Variants in ARHGAP29 observed in about 807,000 individuals in gnomAD.
ARHGAP29 encodes Rho GTPase activating protein 29.
A neutral mutation model predicts 122.6 loss-of-function variants in ARHGAP29; 43 were observed. That is an observed-to-expected ratio of 0.35 (90% CI 0.27 to 0.45). The LOEUF (loss-of-function observed/expected upper bound fraction) is 0.45, where lower values mean the gene tolerates loss of function less well. Ranked by LOEUF, ARHGAP29 falls within the 20% of genes least tolerant of loss-of-function variation. The pLI is 1.00. For synonymous variants in ARHGAP29, 506 were observed against 497.1 expected, an observed-to-expected ratio of 1.02 and a Z score of -0.24; for missense variants, 1,303 against 1,477.2, an observed-to-expected ratio of 0.88 and a Z score of 1.93.
intron 1 of ARHGAP29, among the ~76,000 whole-genome samples, chr1:94,233,067 C>T (rs1653021959): frequency 6.6e-6 from 1 of 151,544 alleles, no homozygotes; most frequent in Non-Finnish European, 1.5e-5. Flanking sequence ...GCCAAAGCCA[C>T]CCATGTAGCT....
At chr1:94,237,617 G>A (rs1570589811), upstream of ARHGAP29, 1 of 986,874 alleles carries the variant, frequency 1.0e-6, no homozygotes, top group African/African-American at 1.7e-5. Flanking sequence ...CTACCGCCAC[G>A]GCCGCACCGC....
intron 1 of ARHGAP29, among the ~76,000 whole-genome samples, chr1:94,255,146 A>C (rs929510306): frequency 1.3e-5 from 2 of 152,232 alleles, no homozygotes; most frequent in African/African-American, 4.8e-5. Context: ...AGGGGCTTCA[A>C]ATGGGGTACT....
At chr1:94,302,382 C>A in the ARHGAP29 span, 1 of 344,966 alleles carries the variant, frequency 2.9e-6, no homozygotes, top group Non-Finnish European at 5.6e-6. Context: ...GGGTCATTAC[C>A]TCTGCCCCCT....
chr1:94,232,167 C>T (rs1652956280), intron 1 of ARHGAP29, among the ~76,000 whole-genome samples: 1 of 152,196 alleles, frequency 6.6e-6, no homozygotes, highest in African/African-American at 2.4e-5. Flanking sequence ...TCTTAAAATC[C>T]TCCTCTGTCA....
At chr1:94,263,789 T>C (rs866891370) in intron 1 of ARHGAP29, among the ~76,000 whole-genome samples, 2 of 152,354 alleles carry the variant, frequency 1.3e-5, no homozygotes, top group South Asian at 4.1e-4. Flanking sequence ...CACTATGTAC[T>C]TTGGTTTGTT....
intron 1 of ARHGAP29, among the ~76,000 whole-genome samples, chr1:94,262,142 A>T (rs1383730554): frequency 6.6e-6 from 1 of 152,202 alleles, no homozygotes; most frequent in East Asian, 1.9e-4. Context: ...AGCTGACAAA[A>T]ACAAGCAATG....
At chr1:94,303,162 A>T in the ARHGAP29 span, 2 of 152,552 alleles carry the variant, frequency 1.3e-5, no homozygotes, top group South Asian at 2.1e-4. Flanking sequence ...AGACACCCTG[A>T]AAAGGGAAGG....
chr1:94,236,745 C>T (rs1653295241), intron 1 of ARHGAP29, among the ~76,000 whole-genome samples: 1 of 152,016 alleles, frequency 6.6e-6, no homozygotes, highest in Non-Finnish European at 1.5e-5. Context: ...CTGGGACAAA[C>T]CTCTGAGACT....
intron 1 of ARHGAP29, among the ~76,000 whole-genome samples, chr1:94,256,980 G>C (rs1218940290): frequency 6.6e-6 from 1 of 152,084 alleles, no homozygotes; most frequent in Non-Finnish European, 1.5e-5. Flanking sequence ...TTTTATGCTA[G>C]ACTTAGAAGC....
chr1:94,176,926 C>T (rs1649130033), intron 22 of ARHGAP29: 1 of 150,266 alleles, frequency 6.7e-6, no homozygotes, highest in Non-Finnish European at 1.5e-5. Context: ...TTTTTAGACC[C>T]TATGATCACT....
At position 94,201,506 on chromosome 1, in the gene ARHGAP29, TTCTCTCTC is replaced by T. The variant is rs111304569; in HGVS notation, c.1281+206_1281+213del. On this transcript the variant is annotated intron_variant, in intron 12 of 22. Transcript: ENST00000260526. ...CTCCCTCCCTTCTTTCCTTCCTTCC[TTCTCTCTC>T]TCTCTCTCTCTCTCTCTCTCTCTTT... is the stretch of plus-strand genomic sequence containing the variant. Among the ~76,000 whole-genome samples the T allele has an allele frequency of 2.1e-3, 291 of 141,404 alleles. 3 individuals carry two copies. Among genetic ancestry groups the T allele is most frequent in the African/African-American group, 7.0e-3 (258 of 37,088 alleles). The allele number at this position is 141,404 out of a possible 152,430, so 92.8% of individuals were successfully genotyped here. A position where few individuals can be genotyped will look rare whatever the true frequency, so the allele number is the denominator to read the frequency against.
chr1:94,259,459 G>T (rs1232693843), intron 1 of ARHGAP29, among the ~76,000 whole-genome samples: 1 of 152,192 alleles, frequency 6.6e-6, no homozygotes, highest in Non-Finnish European at 1.5e-5. Flanking sequence ...TTTGGAAATA[G>T]GGTCTTTGCA....
upstream of ARHGAP29, among the ~76,000 whole-genome samples, chr1:94,278,579 G>A (rs967670085): frequency 2.6e-5 from 4 of 152,182 alleles, no homozygotes; most frequent in Admixed American, 6.5e-5. Context: ...CACACCTGGT[G>A]CACGTGTATG....
intron 12 of ARHGAP29, chr1:94,194,428 T>C (rs534746722): frequency 1.3e-5 from 2 of 152,328 alleles, no homozygotes; most frequent in Admixed American, 6.5e-5. Context: ...TGTATGTTCT[T>C]AGTCACATCA....
At chr1:94,210,538 T>C (rs1053902580) in intron 3 of ARHGAP29, among the ~76,000 whole-genome samples, 2 of 152,226 alleles carry the variant, frequency 1.3e-5, no homozygotes, top group Admixed American at 6.5e-5. Flanking sequence ...TAAGCCTCTG[T>C]AGATTGGCAG....
intron 2 of ARHGAP29, among the ~76,000 whole-genome samples, chr1:94,228,570 T>A (rs556366353): frequency 1.5e-4 from 23 of 151,938 alleles, no homozygotes; most frequent in African/African-American, 5.5e-4. Context: ...GGCCATTATT[T>A]ATCAGCAATA....
chr1:94,203,094 C>T lies in ARHGAP29; in HGVS notation c.873+6G>A, dbSNP rs1367244875. On this transcript the variant is annotated splice_donor_region_variant and intron_variant, in intron 9 of 22. Transcript: ENST00000260526. Reference sequence around the variant, plus strand: ...AAGTGCATTATACATATAAATTAATCTTTACCTGCACAAATTTGTTAGCCT... The same window carrying T: ...AAGTGCATTATACATATAAATTAATTTTTACCTGCACAAATTTGTTAGCCT... 1 of 1,606,992 alleles carries T rather than the reference C, an allele frequency of 6.2e-7. No homozygotes were observed. Among genetic ancestry groups the T allele is most frequent in the Admixed American group, 1.7e-5 (1 of 58,752 alleles).
intron 3 of ARHGAP29, 142 bp from the exon 4 acceptor site, chr1:94,209,492 G>T (rs1349899225): frequency 1.9e-6 from 1 of 515,702 alleles, no homozygotes. Context: ...ATACAAAATT[G>T]ACATGATGTT....
At chr1:94,200,400 C>A (rs1304239310) in intron 12 of ARHGAP29, among the ~76,000 whole-genome samples, 1 of 152,140 alleles carries the variant, frequency 6.6e-6, no homozygotes, top group Non-Finnish European at 1.5e-5. Flanking sequence ...ACGACTGATA[C>A]ATGTCAAGGA....
Sources: gnomAD v4.1 joint callset for allele counts (sites outside exome capture counted in the v4.1 genomes callset) on GRCh38, gnomAD v4.1.1 for gene constraint, MANE v1.5 for transcripts, NCBI Gene and HGNC (gene_info 2026-07-23, HGNC 2026-07-21) for gene names.